The following ATG5 variants were observed in gnomAD, a reference collection of about 807,000 sequenced individuals.
ATG5 encodes autophagy protein 5.
In ATG5, 14 loss-of-function variants were observed where a neutral mutation model predicts 36.5. The observed-to-expected ratio is 0.38, with a 90% CI of 0.25 to 0.60. The LOEUF (loss-of-function observed/expected upper bound fraction) is 0.60. Ranked by LOEUF, ATG5 falls within the 20% of genes least tolerant of loss-of-function variation. The pLI, the probability that ATG5 is intolerant of heterozygous loss-of-function variation, is 0.60. For synonymous variants in ATG5, 95 were observed against 101.5 expected, an observed-to-expected ratio of 0.94 and a Z score of 0.38; for missense variants, 195 against 326.7, an observed-to-expected ratio of 0.60 and a Z score of 3.11.
At chr6:106,244,310 G>C (rs1778248475) in intron 6 of ATG5, among the ~76,000 whole-genome samples, 1 of 152,100 alleles carries the variant, frequency 6.6e-6, no homozygotes, top group South Asian at 2.1e-4. Context: ...GAATAAATAT[G>C]AATGGATATT....
At chr6:106,295,224 T>C (rs543024895) in intron 3 of ATG5, among the ~76,000 whole-genome samples, 2 of 152,326 alleles carry the variant, frequency 1.3e-5, no homozygotes, top group African/African-American at 2.4e-5. Flanking sequence ...ATTTATTTTT[T>C]AGAATATCTC....
At chr6:106,286,219 CA>C (rs1340936853) in intron 4 of ATG5, among the ~76,000 whole-genome samples, 1 of 152,186 alleles carries the variant, frequency 6.6e-6, no homozygotes, top group Non-Finnish European at 1.5e-5. Flanking sequence ...CCCAGAACTC[CA>C]ATTTGTGCAT....
intron 5 of ATG5, among the ~76,000 whole-genome samples, chr6:106,262,457 T>C (rs900981005): frequency 6.6e-6 from 1 of 152,116 alleles, no homozygotes; most frequent in African/African-American, 2.4e-5. Context: ...GGTAAGAAGC[T>C]AACAGACAAA....
At chr6:106,213,641 AAGGC>A (rs1398769896) in intron 6 of ATG5, among the ~76,000 whole-genome samples, 7 of 152,204 alleles carry the variant, frequency 4.6e-5, no homozygotes, top group Non-Finnish European at 7.4e-5. Flanking sequence ...AAGTGGACTA[AAGGC>A]CATAGCATAT....
intron 5 of ATG5, among the ~76,000 whole-genome samples, chr6:106,258,639 G>T (rs1778895411): frequency 6.6e-6 from 1 of 152,178 alleles, no homozygotes. Context: ...AGGGTCATCA[G>T]GCTAGTAGCT....
At chr6:106,280,250 C>G (rs1275859330) in intron 4 of ATG5, among the ~76,000 whole-genome samples, 1 of 143,430 alleles carries the variant, frequency 7.0e-6, no homozygotes, top group Non-Finnish European at 1.5e-5. Context: ...AGGCATTTAC[C>G]TAAGAGAAAT....
intron 6 of ATG5, among the ~76,000 whole-genome samples, chr6:106,243,366 G>A (rs753661056): frequency 6.6e-6 from 1 of 152,042 alleles, no homozygotes; most frequent in South Asian, 2.1e-4. Flanking sequence ...CCAAAGACAA[G>A]TAGGAAATAC....
At chr6:106,315,970 A>T (rs563973418) in intron 2 of ATG5, 131 bp downstream of exon 2, 2 of 676,078 alleles carry the variant, frequency 3.0e-6, no homozygotes, top group Admixed American at 3.1e-5. Flanking sequence ...ATCTGTGTTA[A>T]TTTTTTTTCC....
intron 6 of ATG5, 26 bp downstream of exon 6, chr6:106,248,124 A>G: frequency 6.6e-7 from 1 of 1,516,960 alleles, no homozygotes; most frequent in Non-Finnish European, 9.2e-7. Flanking sequence ...TCATAAATGG[A>G]TGTTTTTTAA....
intron 5 of ATG5, among the ~76,000 whole-genome samples, chr6:106,274,103 G>A (rs1047739861): frequency 1.3e-5 from 2 of 151,986 alleles, no homozygotes; most frequent in East Asian, 3.9e-4. Context: ...AACCCTCCCC[G>A]CCTTTTTGGG....
chr6:106,188,215 G>A (rs2114300759), intron 7 of ATG5, among the ~76,000 whole-genome samples: 1 of 152,228 alleles, frequency 6.6e-6, no homozygotes, highest in South Asian at 2.1e-4. Flanking sequence ...CAGCTATCTG[G>A]AATGATTCAT....
intron 5 of ATG5, among the ~76,000 whole-genome samples, chr6:106,274,629 ACT>A (rs1007344380): frequency 1.3e-5 from 2 of 152,122 alleles, no homozygotes; most frequent in African/African-American, 4.8e-5. Context: ...GGAAGAAAAA[ACT>A]CTACATAAAA....
At position 106,308,446 on chromosome 6, in the gene ATG5, CTT is replaced by C; in HGVS notation, c.152_153del (p.Lys51SerfsTer15). ...RVSYLTLVTD[K>X]VKKHFQKVMR... The stretch of plus-strand genomic sequence containing the variant: ...ATAACCTTCTGAAAGTGCTTTTTCA[CTT>C]TGTCAGTTACCAACGTCAAATAACT... On this transcript the variant is annotated frameshift_variant, in exon 3 of 8. Transcript: ENST00000369076. LOFTEE classifies it high-confidence loss of function. 1 of 1,598,856 alleles carries C rather than the reference CTT, an allele frequency of 6.3e-7. No homozygotes were observed. The highest frequency in any genetic ancestry group is 8.5e-7 in the Non-Finnish European group (1 of 1,173,182).
intron 6 of ATG5, among the ~76,000 whole-genome samples, chr6:106,247,849 T>C (rs1312827563): frequency 1.3e-5 from 2 of 152,144 alleles, no homozygotes; most frequent in Non-Finnish European, 2.9e-5. Flanking sequence ...GGTGAATCAA[T>C]TTTTCACCAC....
intron 6 of ATG5, among the ~76,000 whole-genome samples, chr6:106,229,974 GA>G (rs1361957240): frequency 6.6e-6 from 1 of 152,194 alleles, no homozygotes; most frequent in Non-Finnish European, 1.5e-5. Flanking sequence ...ACTAACCACT[GA>G]TAATTCCCTT....
intron 5 of ATG5, among the ~76,000 whole-genome samples, chr6:106,260,570 C>T (rs1449319342): frequency 6.6e-6 from 1 of 152,140 alleles, no homozygotes; most frequent in Non-Finnish European, 1.5e-5. Context: ...TTTTACCCCT[C>T]TTTTTCATAA....
chr6:106,198,005 T>A (rs987607941), intron 7 of ATG5, among the ~76,000 whole-genome samples: 6 of 152,232 alleles, frequency 3.9e-5, no homozygotes, highest in African/African-American at 1.4e-4. Context: ...ATAAAAACGA[T>A]TAACCTCTTC....
At chr6:106,242,199 C>T (rs1454007094) in intron 6 of ATG5, among the ~76,000 whole-genome samples, 3 of 152,084 alleles carry the variant, frequency 2.0e-5, no homozygotes, top group African/African-American at 2.4e-5. Context: ...AGGCTGGTCT[C>T]GAACTCCTGG....
intron 5 of ATG5, among the ~76,000 whole-genome samples, chr6:106,254,432 T>C (rs1460877438): frequency 1.3e-5 from 2 of 152,206 alleles, no homozygotes; most frequent in African/African-American, 4.8e-5. Context: ...AGAAAGTTAA[T>C]GTACTATGAG....
Sources: allele counts gnomAD v4.1 joint callset (sites outside exome capture counted in the v4.1 genomes callset), GRCh38; gene constraint gnomAD v4.1.1; transcripts MANE v1.5; gene names NCBI Gene and HGNC (gene_info 2026-07-23, HGNC 2026-07-21).